WDR7: variants seen among roughly 807,000 people sequenced by gnomAD.
WDR7 encodes WD repeat-containing protein 7.
In WDR7, 46 loss-of-function variants were observed where a neutral mutation model predicts 169.4. That is an observed-to-expected ratio of 0.27 (90% CI 0.21 to 0.35). The LOEUF is 0.35. Ranked by LOEUF, WDR7 falls within the 10% of genes least tolerant of loss-of-function variation. The pLI, the probability that WDR7 is intolerant of heterozygous loss-of-function variation, is 1.00. For missense variants in WDR7, 1,534 were observed against 1,859.3 expected (o/e 0.83, Z 3.22); for synonymous variants, 612 against 666.8 (o/e 0.92, Z 1.27).
At chr18:56,772,876 G>T (rs1272563723) in intron 16 of WDR7, among the ~76,000 whole-genome samples, 1 of 152,002 alleles carries the variant, frequency 6.6e-6, no homozygotes, top group East Asian at 1.9e-4. Flanking sequence ...GAAATTGCAG[G>T]ATTAGCATAT....
At chr18:56,784,001 A>G (rs1165608547) in intron 19 of WDR7, among the ~76,000 whole-genome samples, 1 of 152,180 alleles carries the variant, frequency 6.6e-6, no homozygotes, top group Non-Finnish European at 1.5e-5. Context: ...AGTAATACCT[A>G]CCATTAATTG....
intron 19 of WDR7, among the ~76,000 whole-genome samples, chr18:56,807,313 T>C (rs2044792032): frequency 6.6e-6 from 1 of 152,174 alleles, no homozygotes; most frequent in Admixed American, 6.6e-5. Context: ...CAGTTGTGTA[T>C]CAAAACGGTT....
chr18:56,974,589 A>C (rs1277831367), intron 26 of WDR7, among the ~76,000 whole-genome samples: 1 of 152,028 alleles, frequency 6.6e-6, no homozygotes, highest in Non-Finnish European at 1.5e-5. Context: ...GAATTATCAG[A>C]GAGTAGCCTC....
chr18:56,651,602 T>A (rs1019307355), intron 1 of WDR7, 26 bp downstream of exon 1: 1 of 152,310 alleles, frequency 6.6e-6, no homozygotes, highest in Non-Finnish European at 1.5e-5. Flanking sequence ...AGCTTCTCCA[T>A]GGGAAACCAC....
downstream of WDR7, chr18:57,034,052 G>A (rs1419214914): frequency 1.3e-5 from 2 of 152,252 alleles, no homozygotes; most frequent in African/African-American, 4.8e-5. Flanking sequence ...AGGAGGCTGA[G>A]GCAGGAGAAT....
intron 26 of WDR7, among the ~76,000 whole-genome samples, chr18:56,990,193 T>A (rs2047790419): frequency 6.6e-6 from 1 of 152,246 alleles, no homozygotes; most frequent in Non-Finnish European, 1.5e-5. Context: ...AATTCTCCTT[T>A]CATTGCGTGA....
At chr18:56,767,114 A>T (rs929232768) in intron 16 of WDR7, among the ~76,000 whole-genome samples, 1 of 152,244 alleles carries the variant, frequency 6.6e-6, no homozygotes, top group Middle Eastern at 3.4e-3. Context: ...TCTAAGATGA[A>T]TTACTCCCTA....
rs746062369 is a variant in WDR7, at chr18:56,879,978, T to G, written c.3339T>G (p.Ile1113Met). 7 of 1,613,870 alleles carry G rather than the reference T, an allele frequency of 4.3e-6. No homozygotes were observed. In the African/African-American group the frequency reaches 8.0e-5, roughly 18 times the overall value. Residue 1113 changes from isoleucine to methionine, a missense_variant, in exon 21 of 28, where the codon ATT becomes ATG. Ile to Met is a conservative substitution (Grantham distance 10, BLOSUM62 1). Transcript: ENST00000254442. ...CAAGTGTCCCACAAATGAAAAAAAT[T>G]TCTACATCTTACGAGGAAAGACGGA... The part of the protein sequence containing the change: ...CLSSVPQMKK[I>M]STSYEERRKQ...
chr18:56,685,828 A>T (rs1484572152), intron 5 of WDR7, 128 bp from the exon 6 acceptor site: 2 of 729,804 alleles, frequency 2.7e-6, no homozygotes, highest in Non-Finnish European at 4.5e-6. Context: ...TGAAATAGAG[A>T]ATTATGTTTT....
At chr18:56,757,999 GCTT>G (rs1303540594) in intron 15 of WDR7, among the ~76,000 whole-genome samples, 2 of 150,472 alleles carry the variant, frequency 1.3e-5, no homozygotes, top group Non-Finnish European at 2.9e-5. Context: ...TTCATTAAAT[GCTT>G]CTTCTCATTG....
intron 20 of WDR7, among the ~76,000 whole-genome samples, chr18:56,821,105 C>T (rs536430535): frequency 1.3e-5 from 2 of 152,072 alleles, no homozygotes; most frequent in East Asian, 3.9e-4. Context: ...TAGGATATGC[C>T]ATTGAATAAA....
intron 19 of WDR7, among the ~76,000 whole-genome samples, chr18:56,798,959 C>A (rs974239211): frequency 1.3e-5 from 2 of 152,194 alleles, no homozygotes; most frequent in Non-Finnish European, 2.9e-5. Flanking sequence ...AATCCTTCCT[C>A]CCTTTTTCTT....
At chr18:56,667,599 G>A (rs1006328581) in intron 1 of WDR7, among the ~76,000 whole-genome samples, 19 of 152,088 alleles carry the variant, frequency 1.2e-4, no homozygotes, top group African/African-American at 4.6e-4. Context: ...AATCTAAATT[G>A]TCGATACTTC....
intron 20 of WDR7, among the ~76,000 whole-genome samples, chr18:56,823,964 G>A (rs2045151704): frequency 6.6e-6 from 1 of 152,080 alleles, no homozygotes; most frequent in Non-Finnish European, 1.5e-5. Flanking sequence ...AGTTTAAGAA[G>A]CCAGTTCATC....
intron 20 of WDR7, among the ~76,000 whole-genome samples, chr18:56,837,562 G>T (rs2045414358): frequency 6.6e-6 from 1 of 152,148 alleles, no homozygotes; most frequent in South Asian, 2.1e-4. Context: ...AAAAATAAGT[G>T]AAAACATAGC....
chr18:56,945,952 G>A lies in WDR7; in HGVS notation c.4064+6559G>A, dbSNP rs544142748. The stretch of plus-strand genomic sequence containing the variant: ...CAGAATTTCTAAGGAAATGCCTGAA[G>A]ATATTCCTTCATCCCATGCATTCCA... On this transcript the variant is annotated intron_variant, in intron 25 of 27. Coordinates refer to ENST00000254442, the MANE Select transcript of WDR7 (RefSeq NM_015285.3). Among the ~76,000 whole-genome samples the A allele has an allele frequency of 3.3e-5, 5 of 152,300 alleles. No individual in the cohort carries two copies. The South Asian group carries it at 1.0e-3, about 32-fold the overall frequency.
At chr18:56,740,751 T>G (rs567726543) in intron 14 of WDR7, among the ~76,000 whole-genome samples, 1 of 152,270 alleles carries the variant, frequency 6.6e-6, no homozygotes, top group Non-Finnish European at 1.5e-5. Flanking sequence ...CTTCTTAGCA[T>G]GAGAACCCTG....
intron 16 of WDR7, among the ~76,000 whole-genome samples, chr18:56,771,693 C>T (rs1029918814): frequency 6.6e-6 from 1 of 151,390 alleles, no homozygotes; most frequent in African/African-American, 2.4e-5. Context: ...ACCAGCCTGA[C>T]CAACTTGGAG....
chr18:56,800,011 T>C (rs72921096), intron 19 of WDR7, among the ~76,000 whole-genome samples: 17,556 of 152,110 alleles, frequency 0.12, 1,532 homozygotes, highest in African/African-American at 0.24. Context: ...GTAGGCTGCC[T>C]TGTTTAAAAA....
Sources: allele counts gnomAD v4.1 joint callset (sites outside exome capture counted in the v4.1 genomes callset), GRCh38; gene constraint gnomAD v4.1.1; transcripts MANE v1.5; gene names NCBI Gene and HGNC (gene_info 2026-07-23, HGNC 2026-07-21).